SEMA4D: variants seen among roughly 807,000 people sequenced by gnomAD.
The protein encoded by SEMA4D is semaphorin-4D.
In SEMA4D, 22 loss-of-function variants were observed where a neutral mutation model predicts 74.8. That is an observed-to-expected ratio of 0.29 (90% CI 0.21 to 0.42). The LOEUF is 0.42. Among genes scored for constraint, SEMA4D ranks in the 10% least tolerant of loss-of-function variants. SEMA4D has a pLI of 1.00. For missense variants in SEMA4D, 937 were observed against 1,118.4 expected, an observed-to-expected ratio of 0.84 and a Z score of 2.31; for synonymous variants, 445 against 463.7, an observed-to-expected ratio of 0.96 and a Z score of 0.52.
intron 1 of SEMA4D, among the ~76,000 whole-genome samples, chr9:89,469,466 C>T (rs1464749134): frequency 1.3e-5 from 2 of 152,142 alleles, no homozygotes; most frequent in African/African-American, 4.8e-5. Flanking sequence ...CAGAAAAAGA[C>T]ATTACAAGAA....
intron 2 of SEMA4D, among the ~76,000 whole-genome samples, chr9:89,452,967 G>A (rs1854984911): frequency 6.6e-6 from 1 of 152,208 alleles, no homozygotes; most frequent in African/African-American, 2.4e-5. Context: ...CAGCCTCACA[G>A]GGCTGCAGCA....
intron 5 of SEMA4D, 73 bp from the exon 6 acceptor site, chr9:89,396,908 C>T (rs1053903585): frequency 2.2e-6 from 3 of 1,374,910 alleles, no homozygotes; most frequent in Non-Finnish European, 3.0e-6. Flanking sequence ...CTGCTCACGC[C>T]GTTCATCTCA....
intron 2 of SEMA4D, among the ~76,000 whole-genome samples, chr9:89,425,556 C>A (rs11265883): frequency 0.054 from 8,279 of 152,230 alleles, 512 homozygotes; most frequent in East Asian, 0.29. Flanking sequence ...TCCTCACTAA[C>A]CCTCGTATCT....
intron 2 of SEMA4D, chr9:89,449,726 T>C: frequency 6.6e-7 from 1 of 1,514,566 alleles, no homozygotes; most frequent in Admixed American, 1.7e-5. Context: ...ATGCCGTGAT[T>C]ATGCAAGAAA....
intron 13 of SEMA4D, chr9:89,385,439 A>T (rs1445799222): frequency 1.0e-6 from 1 of 985,270 alleles, no homozygotes; most frequent in African/African-American, 1.7e-5. Flanking sequence ...GAGGCCCCAC[A>T]GTGGCTAAAG....
chr9:89,376,859 T>C, downstream of SEMA4D: 1 of 1,549,336 alleles, frequency 6.5e-7, no homozygotes, highest in Non-Finnish European at 8.7e-7. Context: ...GAGGTAGAAG[T>C]TCCCCAGGGC....
intron 15 of SEMA4D, among the ~76,000 whole-genome samples, chr9:89,380,034 T>G (rs1262105677): frequency 1.3e-5 from 2 of 151,960 alleles, no homozygotes; most frequent in African/African-American, 4.8e-5. Context: ...TAAACTTTTC[T>G]TTTTTTTCTT....
chr9:89,442,158 TCTTCA>T (rs1851810243), intron 2 of SEMA4D, among the ~76,000 whole-genome samples: 1 of 131,562 alleles, frequency 7.6e-6, no homozygotes, highest in African/African-American at 2.8e-5. Context: ...CCAGGACACA[TCTTCA>T]GGCCAGAGAC....
At chr9:89,364,015 G>C in intron 16 of SEMA4D, 1 of 1,613,084 alleles carries the variant, frequency 6.2e-7, no homozygotes, top group Non-Finnish European at 8.5e-7. Context: ...TGCCCCATGA[G>C]GGTGCAGGGG....
In SEMA4D at chr9:89,417,785, G is replaced by A. The variant is rs7027558; in HGVS notation, c.-243-12086C>T. Among the ~76,000 whole-genome samples the A allele has an allele frequency of 7.4e-3, 1,126 of 152,338 alleles. 14 individuals carry two copies. The highest frequency in any genetic ancestry group is 0.025 in the African/African-American group (1,030 of 41,580). ...GCTGCCACAATCCCAAGACCCAGTG[G>A]GAGGAGAGGCCGAGAGAGCAGGGAA... On this transcript the variant is annotated intron_variant, in intron 2 of 15. Transcript: ENST00000422704.
At chr9:89,363,744 G>T (rs771608568) in exon 17 of SEMA4D, 20 of 1,612,174 alleles carry the variant, frequency 1.2e-5, no homozygotes, top group Non-Finnish European at 1.7e-5. Context: ...CACTTACCAG[G>T]TCTCATCACA....
intron 2 of SEMA4D, among the ~76,000 whole-genome samples, chr9:89,416,483 G>T (rs1009202862): frequency 6.6e-6 from 1 of 152,140 alleles, no homozygotes; most frequent in East Asian, 1.9e-4. Flanking sequence ...CGACCCACCT[G>T]TGTCAACAGA....
At chr9:89,459,452 C>T (rs1028302291) in intron 1 of SEMA4D, among the ~76,000 whole-genome samples, 85 of 152,296 alleles carry the variant, frequency 5.6e-4, no homozygotes, top group African/African-American at 2.0e-3. Flanking sequence ...CGCAAAGAAA[C>T]AACTGGAGAA....
intron 1 of SEMA4D, among the ~76,000 whole-genome samples, chr9:89,464,822 G>C (rs780708025): frequency 6.6e-6 from 1 of 151,960 alleles, no homozygotes; most frequent in Non-Finnish European, 1.5e-5. Context: ...GAGTTACCAC[G>C]GGGTGTGGGG....
intron 1 of SEMA4D, among the ~76,000 whole-genome samples, chr9:89,495,634 G>GGCAGCAGCCTTTCTCTCAGCAA (rs1825947075): frequency 6.6e-6 from 1 of 152,190 alleles, no homozygotes; most frequent in Non-Finnish European, 1.5e-5. Flanking sequence ...GGGAACAGCA[G>GGCAGCAGCCTTTCTCTCAGCAA]GCAGCAGCCT....
At chr9:89,371,309 G>GTGGTGTGTGTGGGGT (rs1426489095) in intron 16 of SEMA4D, among the ~76,000 whole-genome samples, 1 of 142,172 alleles carries the variant, frequency 7.0e-6, no homozygotes, top group Non-Finnish European at 1.5e-5. Context: ...TGTCTGGGGT[G>GTGGTGTGTGTGGGGT]TGGTGTGTGT....
At chr9:89,464,534 C>T (rs570991112) in intron 1 of SEMA4D, among the ~76,000 whole-genome samples, 3 of 152,248 alleles carry the variant, frequency 2.0e-5, no homozygotes, top group African/African-American at 7.2e-5. Context: ...ATGTGGGGTG[C>T]AACACCCCAG....
chr9:89,388,797 G>GAA lies in SEMA4D; in HGVS notation c.951-6_951-5insTT. ...GCCGACAGCCCCACGTTGTTCCTGG[G>GAA]GAGGGGAAAGAGGTGACGGGACCAC... On this transcript the variant is annotated splice_polypyrimidine_tract_variant and splice_region_variant and intron_variant, in intron 10 of 15. Transcript: ENST00000422704. The GAA allele has an allele frequency of 6.2e-7, 1 of 1,605,442 alleles. No individual in the cohort carries two copies. Among genetic ancestry groups the GAA allele is most frequent in the Admixed American group, 1.7e-5 (1 of 59,672 alleles).
chr9:89,419,749 T>C (rs533751542), intron 2 of SEMA4D, among the ~76,000 whole-genome samples: 8 of 140,386 alleles, frequency 5.7e-5, no homozygotes, highest in Admixed American at 1.4e-4. Flanking sequence ...CCCGTCTCTA[T>C]CAAAAAAAAA....
Sources: allele counts gnomAD v4.1 joint callset (sites outside exome capture counted in the v4.1 genomes callset), GRCh38; gene constraint gnomAD v4.1.1; transcripts MANE v1.5; gene names NCBI Gene and HGNC (gene_info 2026-07-23, HGNC 2026-07-21).